The following EYS variants were observed in gnomAD, a reference collection of about 807,000 sequenced individuals.
EYS encodes the protein EGF-like photoreceptor maintenance factor.
In EYS, 250 loss-of-function variants were observed where a neutral mutation model predicts 282.1. That is an observed-to-expected ratio of 0.89 (90% confidence interval 0.80 to 0.98). EYS has a LOEUF of 0.98. EYS is among the 50% of genes least tolerant of loss of function. The probability of loss-of-function intolerance (pLI) is 0.00; values close to 1 mark genes in which losing one functional copy is unlikely to be tolerated. For synonymous variants in EYS, 1,355 were observed against 1,282.9 expected, an observed-to-expected ratio of 1.06 and a Z score of -1.20; for missense variants, 4,016 against 3,709.0, an observed-to-expected ratio of 1.08 and a Z score of -2.15.
intron 30 of EYS, among the ~76,000 whole-genome samples, chr6:64,254,554 G>A (rs73443062): frequency 1.0e-3 from 152 of 152,122 alleles, no homozygotes; most frequent in Non-Finnish European, 1.4e-3. Context: ...GTCAGTCCCC[G>A]TCTCTGAGGT....
intron 12 of EYS, among the ~76,000 whole-genome samples, chr6:65,150,672 ATTTTT>A (rs36138380): frequency 6.8e-6 from 1 of 146,342 alleles, no homozygotes; most frequent in Non-Finnish European, 1.5e-5. Context: ...ACTTTTTCTT[ATTTTT>A]TATCATTTTT....
At chr6:65,062,112 GA>G (rs1773594101) in intron 12 of EYS, among the ~76,000 whole-genome samples, 1 of 151,760 alleles carries the variant, frequency 6.6e-6, no homozygotes, top group Non-Finnish European at 1.5e-5. Context: ...CCCTCTACAT[GA>G]CAGACTCCCA....
chr6:63,860,692 C>T (rs1443143021), intron 36 of EYS, among the ~76,000 whole-genome samples: 18 of 152,188 alleles, frequency 1.2e-4, no homozygotes. Context: ...AAGTAAACGA[C>T]CTGAATGCAA....
chr6:64,954,586 A>G (rs1769626838), intron 14 of EYS, among the ~76,000 whole-genome samples: 1 of 152,136 alleles, frequency 6.6e-6, no homozygotes. Flanking sequence ...TTGGTCTGAG[A>G]GCCAAATGAC....
intron 33 of EYS, 24 bp downstream of exon 33, chr6:64,066,314 A>G (rs1239141657): frequency 2.0e-6 from 3 of 1,524,546 alleles, no homozygotes; most frequent in Non-Finnish European, 2.6e-6. Flanking sequence ...GCACGAAAGA[A>G]CTACCGTGGA....
At chr6:65,173,835 A>G (rs1765166452) in intron 12 of EYS, among the ~76,000 whole-genome samples, 1 of 151,368 alleles carries the variant, frequency 6.6e-6, no homozygotes, top group South Asian at 2.1e-4. Context: ...GATTAGAGTT[A>G]CTTGAAATTT....
At chr6:63,845,130 G>A (rs910106810) in intron 36 of EYS, among the ~76,000 whole-genome samples, 3 of 152,122 alleles carry the variant, frequency 2.0e-5, no homozygotes, top group Admixed American at 6.6e-5. Flanking sequence ...AAATACAGCT[G>A]CATTTAAAAT....
rs181547141 is a variant in EYS at position 63,783,086 on chromosome 6, G to A, written c.7724-4906C>T. Among the ~76,000 whole-genome samples, 18 of 151,860 alleles carry A rather than the reference G, an allele frequency of 1.2e-4. No homozygotes were observed. The East Asian group carries it at 1.4e-3, about 11-fold the overall frequency. ...AAAAAAATTGAACTCACAAGAAACC[G>A]AAAGTACTGACCGTGTTGGCTATTT... On this transcript the variant is annotated intron_variant, in intron 39 of 42. Transcript: ENST00000503581.
intron 31 of EYS, among the ~76,000 whole-genome samples, chr6:64,151,344 TA>T (rs1774717710): frequency 5.9e-5 from 7 of 118,672 alleles, no homozygotes; most frequent in African/African-American, 2.1e-4. Context: ...TATATATATA[TA>T]TATATATATA....
intron 35 of EYS, among the ~76,000 whole-genome samples, chr6:63,938,920 C>T (rs1362445397): frequency 6.6e-6 from 1 of 152,116 alleles, no homozygotes; most frequent in Non-Finnish European, 1.5e-5. Context: ...AACTAAATAA[C>T]AGAAATCAAA....
intron 13 of EYS, among the ~76,000 whole-genome samples, chr6:65,002,999 T>A (rs1446482229): frequency 6.8e-6 from 1 of 147,386 alleles, no homozygotes; most frequent in East Asian, 2.1e-4. Context: ...TTGCATTAAC[T>A]GCACAAATTG....
At chr6:65,424,570 T>C (rs1441591042) in intron 5 of EYS, among the ~76,000 whole-genome samples, 1 of 152,064 alleles carries the variant, frequency 6.6e-6, no homozygotes, top group Non-Finnish European at 1.5e-5. Flanking sequence ...ATCTGTTTTA[T>C]ATTACATCAA....
intron 31 of EYS, among the ~76,000 whole-genome samples, chr6:64,194,214 C>A (rs570473110): frequency 6.6e-6 from 1 of 152,084 alleles, no homozygotes; most frequent in South Asian, 2.1e-4. Flanking sequence ...GAAGAACACA[C>A]CCCCACCAAC....
chr6:63,834,767 G>A (rs1432443246), intron 36 of EYS, among the ~76,000 whole-genome samples: 2 of 151,234 alleles, frequency 1.3e-5, no homozygotes, highest in Non-Finnish European at 3.0e-5. Flanking sequence ...GTTTACTGTG[G>A]CACTATTCAC....
intron 12 of EYS, among the ~76,000 whole-genome samples, chr6:65,154,120 C>A (rs1764679897): frequency 6.6e-6 from 1 of 151,712 alleles, no homozygotes; most frequent in Non-Finnish European, 1.5e-5. Context: ...GGGCTCAAGT[C>A]TTTTGAACCT....
intron 2 of EYS, among the ~76,000 whole-genome samples, chr6:65,542,282 A>C (rs1025857815): frequency 6.6e-6 from 1 of 152,176 alleles, no homozygotes; most frequent in Non-Finnish European, 1.5e-5. Flanking sequence ...TCTATCTTCC[A>C]ATAATAGCTA....
chr6:64,640,431 G>A (rs548954321), intron 22 of EYS, among the ~76,000 whole-genome samples: 1 of 152,280 alleles, frequency 6.6e-6, no homozygotes, highest in East Asian at 1.9e-4. Context: ...AGACATGGAT[G>A]AAATTGGAAA....
At chr6:64,132,108 T>C (rs901289759) in intron 31 of EYS, among the ~76,000 whole-genome samples, 3 of 152,146 alleles carry the variant, frequency 2.0e-5, no homozygotes, top group African/African-American at 7.2e-5. Context: ...AAAATACCTG[T>C]CAATGATGTT....
intron 13 of EYS, among the ~76,000 whole-genome samples, chr6:65,032,741 C>T (rs1369810618): frequency 1.3e-5 from 2 of 151,722 alleles, no homozygotes; most frequent in Non-Finnish European, 2.9e-5. Flanking sequence ...AATGGTCTAA[C>T]AGAACATTGG....
Sources: gnomAD v4.1 joint callset for allele counts (sites outside exome capture counted in the v4.1 genomes callset) on GRCh38, gnomAD v4.1.1 for gene constraint, MANE v1.5 for transcripts, NCBI Gene and HGNC (gene_info 2026-07-23, HGNC 2026-07-21) for gene names.